Variants in KTN1 observed in about 807,000 individuals in gnomAD.
KTN1 encodes kinectin 1, also known as kinectin.
In KTN1, 130 loss-of-function variants were observed where a neutral mutation model predicts 222.5. That is an observed-to-expected ratio of 0.58 (90% CI 0.51 to 0.68). KTN1 has a LOEUF of 0.68. Ranked by LOEUF, KTN1 falls within the 30% of genes least tolerant of loss-of-function variation. The pLI is 0.00. For missense variants in KTN1, 1,508 were observed against 1,500.4 expected (o/e 1.01, Z -0.08); for synonymous variants, 512 against 496.3 (o/e 1.03, Z -0.42).
At position 55,641,684 on chromosome 14, in the gene KTN1, T is replaced by C. The variant is rs776857736; in HGVS notation, c.2104-8T>C. 6.4e-7 allele frequency: 1 copy of C among 1,558,144 alleles called. No individual in the cohort carries two copies. The highest frequency in any genetic ancestry group is 1.1e-5 in the South Asian group (1 of 89,746). ...AATAAAACAGTAAATTGAGACTCTTTCTTCCAGATTCTAAATGACCAAAAC... is the reference window on the plus strand; with the variant it reads ...AATAAAACAGTAAATTGAGACTCTTCCTTCCAGATTCTAAATGACCAAAAC... On this transcript the variant is annotated splice_region_variant and splice_polypyrimidine_tract_variant and intron_variant, in intron 17 of 43. Transcript: ENST00000395314.
rs137919274 is a variant in KTN1, at chr14:55,637,796, T to C, written c.1734T>C (p.Asn578=). The C allele has an allele frequency of 4.0e-5, 64 of 1,610,972 alleles. No individual in the cohort carries two copies. In the Admixed American group the frequency reaches 4.3e-4, roughly 11 times the overall value. The change falls in exon 12 of 44, where the codon AAT becomes AAC. Residue 578 remains asparagine (N), a synonymous_variant. Transcript: ENST00000395314. ...TATGAAAGGATATTTTGGAGCAGAA[T>C]GAGGCTTTGAAAGCTCAAATTCAGC... ...QMQVQDILEQ[N]EALKAQIQQF...
chr14:55,606,878 C>T (rs2036809623), intron 1 of KTN1, among the ~76,000 whole-genome samples: 1 of 152,054 alleles, frequency 6.6e-6, no homozygotes. Flanking sequence ...GTATATAATA[C>T]TCAACACAAA....
Position 55,590,679 on chromosome 14 carries a change from C to CTT in KTN1, c.-31+10338_-31+10339dup, listed in dbSNP as rs1199051378. Among the ~76,000 whole-genome samples the CTT allele has an allele frequency of 1.1e-3, 160 of 141,614 alleles. 2 individuals are homozygous for CTT. Among genetic ancestry groups the CTT allele is most frequent in the Middle Eastern group, 3.6e-3 (1 of 280 alleles). The allele number at this position is 141,614 out of a possible 152,430, so 92.9% of individuals were successfully genotyped here. A position where few individuals can be genotyped will look rare whatever the true frequency, so the allele number is the denominator to read the frequency against. On this transcript the variant is annotated intron_variant, in intron 1 of 43. Transcript: ENST00000395314. ...CCCTCAACCTTGTTATCAGGATATT[C>CTT]TTTTTTTTTTTTTTGAGATGGAGTC...
intron 18 of KTN1, among the ~76,000 whole-genome samples, chr14:55,646,649 G>A (rs2042396585): frequency 6.7e-6 from 1 of 148,822 alleles, no homozygotes; most frequent in African/African-American, 2.5e-5. Context: ...CTTTGTATTT[G>A]AAGAATTGAA....
chr14:55,668,750 C>G (rs1277501856), intron 34 of KTN1: 5 of 152,076 alleles, frequency 3.3e-5, no homozygotes, highest in Admixed American at 3.3e-4. Flanking sequence ...ATTTCCTGCC[C>G]CAAACATAGA....
At chr14:55,671,445 G>T in intron 35 of KTN1, 121 bp from the exon 36 acceptor site, 1 of 658,182 alleles carries the variant, frequency 1.5e-6, no homozygotes, top group South Asian at 2.2e-5. Context: ...GAAATGTAGT[G>T]TTTCCTTATA....
intron 1 of KTN1, among the ~76,000 whole-genome samples, chr14:55,597,152 C>A (rs772683884): frequency 6.6e-6 from 1 of 152,028 alleles, no homozygotes; most frequent in East Asian, 1.9e-4. Context: ...CAACATTGTG[C>A]GTTGGACTCT....
At chr14:55,641,388 T>A (rs2041789606) in intron 17 of KTN1, among the ~76,000 whole-genome samples, 180 bp downstream of exon 17, 1 of 152,080 alleles carries the variant, frequency 6.6e-6, no homozygotes, top group African/African-American at 2.4e-5. Flanking sequence ...AGATTATCTG[T>A]TCTTTTAGTG....
chr14:55,622,268 T>C (rs7150841), intron 5 of KTN1, among the ~76,000 whole-genome samples: 9,184 of 152,260 alleles, frequency 0.06, 381 homozygotes, highest in South Asian at 0.09. Flanking sequence ...ACGGTTTTTG[T>C]GACTGAAGAT....
At chr14:55,583,718 T>C (rs975797741) in intron 1 of KTN1, among the ~76,000 whole-genome samples, 1 of 152,238 alleles carries the variant, frequency 6.6e-6, no homozygotes, top group African/African-American at 2.4e-5. Flanking sequence ...TATATGCTGA[T>C]GGCTCCCATA....
intron 30 of KTN1, 82 bp from the exon 31 acceptor site, chr14:55,659,584 A>C: frequency 1.2e-6 from 1 of 861,868 alleles, no homozygotes; most frequent in East Asian, 2.4e-5. Context: ...TTGTTTTCTT[A>C]ATTTATATTT....
intron 1 of KTN1, 22 bp from the exon 2 acceptor site, chr14:55,611,997 C>A (rs1432421814): frequency 3.1e-5 from 30 of 961,242 alleles, no homozygotes; most frequent in Non-Finnish European, 3.8e-5. Flanking sequence ...TTTTTTTTGT[C>A]CCCACCTTCT....
At chr14:55,671,067 C>T (rs750540723) in intron 35 of KTN1, among the ~76,000 whole-genome samples, 1 of 151,912 alleles carries the variant, frequency 6.6e-6, no homozygotes, top group African/African-American at 2.4e-5. Flanking sequence ...AATATTTATC[C>T]CTTACTATCT....
chr14:55,623,519 A>C (rs1017497253), intron 5 of KTN1, among the ~76,000 whole-genome samples: 2 of 152,158 alleles, frequency 1.3e-5, no homozygotes, highest in Non-Finnish European at 2.9e-5. Context: ...AACTGGGACC[A>C]CAGGCAATGC....
intron 9 of KTN1, among the ~76,000 whole-genome samples, chr14:55,635,719 G>A (rs1362897988): frequency 1.3e-5 from 2 of 152,190 alleles, no homozygotes; most frequent in Non-Finnish European, 2.9e-5. Context: ...GAGGAAATTT[G>A]TTGAAAGTAT....
At chr14:55,640,535 A>G in intron 15 of KTN1, 93 bp downstream of exon 15, 1 of 840,192 alleles carries the variant, frequency 1.2e-6, no homozygotes, top group East Asian at 2.6e-5. Context: ...TTGATTGTGT[A>G]AGTAAAAAAT....
intron 2 of KTN1, 70 bp from the exon 3 acceptor site, chr14:55,616,447 C>G: frequency 7.5e-7 from 1 of 1,336,092 alleles, no homozygotes. Context: ...GGGAATTACT[C>G]AGTGATTGCA....
Position 55,640,982 on chromosome 14 carries a change from A to G in KTN1, c.2021+12A>G, listed in dbSNP as rs746742162. The G allele has an allele frequency of 6.3e-7, 1 of 1,598,906 alleles. No individual in the cohort carries two copies. Among genetic ancestry groups the G allele is most frequent in the Non-Finnish European group, 8.6e-7 (1 of 1,166,824 alleles). On this transcript the variant is annotated intron_variant, in intron 16 of 43. Coordinates refer to ENST00000395314, the MANE Select transcript of KTN1 (RefSeq NM_001079521.2). ...AAGATGCAACAAAGGTGACTAAAGT[A>G]TTGTACATCTAGTCGTTCATACATT...
At chr14:55,591,678 T>C (rs564429129) in intron 1 of KTN1, among the ~76,000 whole-genome samples, 136 of 142,426 alleles carry the variant, frequency 9.5e-4, no homozygotes, top group African/African-American at 3.2e-3. Flanking sequence ...AACCTCTGCC[T>C]CCCAGGTTCA....
Sources: gnomAD v4.1 joint callset for allele counts (sites outside exome capture counted in the v4.1 genomes callset) on GRCh38, gnomAD v4.1.1 for gene constraint, MANE v1.5 for transcripts, NCBI Gene and HGNC (gene_info 2026-07-23, HGNC 2026-07-21) for gene names.